Variants in PTCHD4 observed in about 807,000 individuals in gnomAD.
The protein encoded by PTCHD4 is patched domain-containing protein 4.
Under a neutral mutation model 58.1 loss-of-function variants are expected in PTCHD4, and 33 were observed. The observed-to-expected ratio is 0.57, with a 90% CI of 0.43 to 0.76. PTCHD4 has a LOEUF of 0.76. Ranked by LOEUF, PTCHD4 falls within the 30% of genes least tolerant of loss-of-function variation. PTCHD4 has a pLI of 0.00. For synonymous variants in PTCHD4, 478 were observed against 409.6 expected, an observed-to-expected ratio of 1.17 and a Z score of -2.02; for missense variants, 1,058 against 1,027.1, an observed-to-expected ratio of 1.03 and a Z score of -0.41.
chr6:47,953,956 T>C (rs1252868877), intron 4 of PTCHD4, among the ~76,000 whole-genome samples: 2 of 152,148 alleles, frequency 1.3e-5, no homozygotes, highest in Non-Finnish European at 2.9e-5. Flanking sequence ...GGGCAGTATA[T>C]TTTTTTAACT....
At chr6:48,041,952 CTT>C (rs1328037001) in intron 3 of PTCHD4, among the ~76,000 whole-genome samples, 1 of 152,032 alleles carries the variant, frequency 6.6e-6, no homozygotes, top group Non-Finnish European at 1.5e-5. Context: ...TGCAAAATTT[CTT>C]TGCTGACTGC....
Position 47,863,485 on chromosome 6 carries a change from T to G in PTCHD4, c.*14818A>C, listed in dbSNP as rs1763482017. Among the ~76,000 whole-genome samples the G allele has an allele frequency of 6.6e-6, 1 of 151,976 alleles. No individual in the cohort carries two copies. The highest frequency in any genetic ancestry group is 1.5e-5 in the Non-Finnish European group (1 of 67,930). On this transcript the variant is annotated 3_prime_UTR_variant, in exon 5 of 5. Transcript: ENST00000339488. ...TTCTCCACCTGACACATACCCTACA[T>G]TCTTAGGGTTGTGAGATTTAGCAAG... is the stretch of plus-strand genomic sequence containing the variant.
At position 47,874,791 on chromosome 6, in the gene PTCHD4, C is replaced by A. The variant is rs1296029698; in HGVS notation, c.*3512G>T. On this transcript the variant is annotated 3_prime_UTR_variant, in exon 5 of 5. Coordinates refer to ENST00000339488, the MANE Select transcript of PTCHD4 (RefSeq NM_001384253.1). Reference sequence around the variant, plus strand: ...CTTTCATAGAATACTCATGCACAGCCTTCAAAGAGGTTCATAGTAACTGCA... The same window carrying A: ...CTTTCATAGAATACTCATGCACAGCATTCAAAGAGGTTCATAGTAACTGCA... Among the ~76,000 whole-genome samples the A allele has an allele frequency of 6.6e-6, 1 of 151,762 alleles. No individual in the cohort carries two copies. Among genetic ancestry groups the A allele is most frequent in the African/African-American group, 2.4e-5 (1 of 41,382 alleles).
chr6:48,021,013 C>G (rs889832119), intron 3 of PTCHD4, among the ~76,000 whole-genome samples: 1 of 151,960 alleles, frequency 6.6e-6, no homozygotes, highest in Non-Finnish European at 1.5e-5. Context: ...TGCCCAGGCT[C>G]AAGTTCTAAG....
intron 4 of PTCHD4, 119 bp from the exon 5 acceptor site, chr6:47,880,055 G>T: frequency 1.2e-6 from 1 of 827,032 alleles, no homozygotes; most frequent in Non-Finnish European, 1.8e-6. Context: ...AAAGGGCTGT[G>T]ATCCTCCTAT....
intron 1 of PTCHD4, among the ~76,000 whole-genome samples, chr6:48,095,397 A>G (rs1765444447): frequency 6.6e-6 from 1 of 152,168 alleles, no homozygotes; most frequent in Non-Finnish European, 1.5e-5. Context: ...TAAAAAAGAA[A>G]TATAGGTCAG....
intron 1 of PTCHD4, among the ~76,000 whole-genome samples, chr6:48,101,505 A>G (rs1417963702): frequency 6.6e-6 from 1 of 152,214 alleles, no homozygotes; most frequent in Non-Finnish European, 1.5e-5. Context: ...ATGGGAACAA[A>G]CATGACTCAT....
chr6:47,959,131 C>G (rs899110217), intron 4 of PTCHD4, among the ~76,000 whole-genome samples: 2 of 152,004 alleles, frequency 1.3e-5, no homozygotes, highest in Admixed American at 1.3e-4. Context: ...TCAGTTTAAA[C>G]TAAACCAGAA....
chr6:48,033,557 G>C (rs535283822), intron 3 of PTCHD4, among the ~76,000 whole-genome samples: 16 of 151,586 alleles, frequency 1.1e-4, no homozygotes, highest in African/African-American at 3.9e-4. Flanking sequence ...AAACGCCCCA[G>C]GCCATATGTA....
intron 1 of PTCHD4, among the ~76,000 whole-genome samples, chr6:48,089,545 C>A (rs1235934457): frequency 6.6e-6 from 1 of 152,158 alleles, no homozygotes; most frequent in Non-Finnish European, 1.5e-5. Flanking sequence ...AACAATGAAT[C>A]TTTTGAAAAC....
rs568544299 is a variant in PTCHD4 at position 47,942,544 on chromosome 6, G to A, written c.899-62608C>T. Among the ~76,000 whole-genome samples, 49 of 152,198 alleles carry A rather than the reference G, an allele frequency of 3.2e-4. 1 individual carries two copies. In the South Asian group the frequency reaches 7.5e-3, roughly 23 times the overall value. On this transcript the variant is annotated intron_variant, in intron 4 of 4. Coordinates refer to ENST00000339488, the MANE Select transcript of PTCHD4 (RefSeq NM_001384253.1). ...ACAGCTGGTGAAGGTTGCCAAGGTC[G>A]CCCTGTTAGGCACAGACAGCTGAAA...
At chr6:47,954,599 T>G (rs1766783325) in intron 4 of PTCHD4, among the ~76,000 whole-genome samples, 1 of 152,228 alleles carries the variant, frequency 6.6e-6, no homozygotes, top group Non-Finnish European at 1.5e-5. Context: ...AGAGGCATTC[T>G]TTAAGTGTTG....
intron 1 of PTCHD4, among the ~76,000 whole-genome samples, chr6:48,077,751 G>A (rs1206090939): frequency 6.6e-6 from 1 of 152,094 alleles, no homozygotes; most frequent in African/African-American, 2.4e-5. Context: ...AGGGGAATAG[G>A]CAGACTTGAT....
chr6:47,933,517 A>G (rs1000832354), intron 4 of PTCHD4, among the ~76,000 whole-genome samples: 1 of 152,214 alleles, frequency 6.6e-6, no homozygotes, highest in Non-Finnish European at 1.5e-5. Flanking sequence ...ATAAATCTCA[A>G]TAAGGAACCA....
chr6:48,040,802 C>A (rs2114151021), intron 3 of PTCHD4, among the ~76,000 whole-genome samples: 1 of 152,134 alleles, frequency 6.6e-6, no homozygotes, highest in African/African-American at 2.4e-5. Context: ...GGAGTTAAGA[C>A]TAGAAGCCAA....
intron 3 of PTCHD4, among the ~76,000 whole-genome samples, chr6:48,037,992 G>T (rs959921839): frequency 3.3e-5 from 5 of 151,018 alleles, no homozygotes; most frequent in Admixed American, 3.3e-4. Context: ...AAAAATCATA[G>T]AAGAAATAAG....
At chr6:47,917,680 A>G (rs1031860820) in intron 4 of PTCHD4, among the ~76,000 whole-genome samples, 1 of 152,144 alleles carries the variant, frequency 6.6e-6, no homozygotes, top group Admixed American at 6.6e-5. Flanking sequence ...CAATTGCCAA[A>G]TGAATGTACA....
rs140401366 is a variant in PTCHD4 at position 47,941,309 on chromosome 6, A to T, written c.899-61373T>A. ...TGAATCTTGGAGTGTGGAGGAAGCT[A>T]TGGAAGCTGCTGGCATGCCCTGCAG... On this transcript the variant is annotated intron_variant, in intron 4 of 4. Coordinates refer to ENST00000339488, the MANE Select transcript of PTCHD4 (RefSeq NM_001384253.1). Among the ~76,000 whole-genome samples, 460 of 152,258 alleles carry T rather than the reference A, an allele frequency of 3.0e-3. 3 individuals carry two copies. The highest frequency in any genetic ancestry group is 0.01 in the African/African-American group (434 of 41,556).
chr6:48,011,359 T>C (rs1762665274), intron 3 of PTCHD4, among the ~76,000 whole-genome samples: 1 of 152,240 alleles, frequency 6.6e-6, no homozygotes, highest in Non-Finnish European at 1.5e-5. Context: ...ATATGTTTAT[T>C]GGCCTCATTA....
Sources: allele counts gnomAD v4.1 joint callset (sites outside exome capture counted in the v4.1 genomes callset), GRCh38; gene constraint gnomAD v4.1.1; transcripts MANE v1.5; gene names NCBI Gene and HGNC (gene_info 2026-07-23, HGNC 2026-07-21).